The following CDH13 variants were observed in gnomAD, a reference collection of about 807,000 sequenced individuals.
CDH13 encodes cadherin-13.
In CDH13, 24 loss-of-function variants were observed where a neutral mutation model predicts 63.8. The ratio of observed to expected loss-of-function variants is 0.38; its 90% CI spans 0.27 to 0.53. CDH13 has a LOEUF of 0.53. Ranked by LOEUF, CDH13 falls within the 20% of genes least tolerant of loss-of-function variation. CDH13 has a pLI of 0.85. For missense variants in CDH13, 1,049 were observed against 903.1 expected (o/e 1.16, Z -2.07); for synonymous variants, 503 against 355.3 (o/e 1.42, Z -4.67).
intron 2 of CDH13, among the ~76,000 whole-genome samples, chr16:82,902,020 A>G (rs1046276682): frequency 6.6e-6 from 1 of 152,202 alleles, no homozygotes; most frequent in African/African-American, 2.4e-5. Context: ...TCACATAGCT[A>G]TTACGTGGCA....
intron 5 of CDH13, among the ~76,000 whole-genome samples, chr16:83,237,059 G>A (rs1386836271): frequency 6.6e-6 from 1 of 152,176 alleles, no homozygotes; most frequent in East Asian, 1.9e-4. Flanking sequence ...GTGGGGCAGA[G>A]GGGACAAGGC....
chr16:83,394,247 TTA>T (rs756621953), intron 6 of CDH13, among the ~76,000 whole-genome samples: 57 of 144,872 alleles, frequency 3.9e-4, no homozygotes, highest in Non-Finnish European at 8.1e-4. Context: ...CCTAAAAGTT[TTA>T]AAAAAAAAAA....
At chr16:83,013,040 A>G (rs1333852977) in intron 2 of CDH13, among the ~76,000 whole-genome samples, 1 of 152,220 alleles carries the variant, frequency 6.6e-6, no homozygotes, top group Non-Finnish European at 1.5e-5. Context: ...TTGCCTGAGC[A>G]CTTAGGTGGC....
intron 2 of CDH13, among the ~76,000 whole-genome samples, chr16:82,961,149 G>C (rs1001083934): frequency 1.3e-5 from 2 of 152,130 alleles, no homozygotes. Context: ...TCCGACTCAG[G>C]CTTCATCCCA....
At chr16:83,023,158 C>G (rs999757198) in intron 2 of CDH13, 1 of 152,198 alleles carries the variant, frequency 6.6e-6, no homozygotes, top group African/African-American at 2.4e-5. Context: ...GGTTTTGTCT[C>G]CCAGCTGAAG....
At chr16:83,518,149 T>TGTTTC (rs1401777625) in intron 7 of CDH13, among the ~76,000 whole-genome samples, 2 of 151,578 alleles carry the variant, frequency 1.3e-5, no homozygotes, top group Non-Finnish European at 2.9e-5. Flanking sequence ...GATGGTCTTT[T>TGTTTC]GTTTTGTTTT....
intron 3 of CDH13, among the ~76,000 whole-genome samples, chr16:83,061,449 A>C (rs1448318684): frequency 6.6e-6 from 1 of 152,132 alleles, no homozygotes. Context: ...CCAACCCCGG[A>C]ATACAATGGG....
At chr16:83,061,285 A>T (rs1418710182) in intron 3 of CDH13, among the ~76,000 whole-genome samples, 23 of 152,200 alleles carry the variant, frequency 1.5e-4, no homozygotes, top group Non-Finnish European at 8.8e-5. Flanking sequence ...AGGTGACTCT[A>T]ATGGTAGACA....
intron 7 of CDH13, among the ~76,000 whole-genome samples, chr16:83,525,192 C>T (rs1222460851): frequency 6.6e-6 from 1 of 152,088 alleles, no homozygotes; most frequent in East Asian, 1.9e-4. Flanking sequence ...CAACCACGGG[C>T]CAGTAGAATG....
intron 3 of CDH13, among the ~76,000 whole-genome samples, chr16:83,110,654 G>T (rs2035013653): frequency 6.6e-6 from 1 of 152,098 alleles, no homozygotes; most frequent in South Asian, 2.1e-4. Context: ...CCCTGGGCCT[G>T]GTTAGTAGTA....
intron 5 of CDH13, among the ~76,000 whole-genome samples, chr16:83,337,032 T>A (rs2090613281): frequency 6.6e-6 from 1 of 152,222 alleles, no homozygotes. Flanking sequence ...GGGCAAGCTG[T>A]TAATAGTTCG....
intron 5 of CDH13, among the ~76,000 whole-genome samples, chr16:83,255,214 A>G (rs1179281530): frequency 6.6e-6 from 1 of 152,198 alleles, no homozygotes; most frequent in Non-Finnish European, 1.5e-5. Context: ...GTATGGGCAC[A>G]TTATAACTTC....
chr16:82,782,344 G>A (rs1045707816), intron 1 of CDH13, among the ~76,000 whole-genome samples: 1 of 152,094 alleles, frequency 6.6e-6, no homozygotes, highest in Admixed American at 6.5e-5. Context: ...GGTGGATCAC[G>A]AGGTCAGGAG....
At chr16:82,797,642 G>C (rs1316061016) in intron 1 of CDH13, among the ~76,000 whole-genome samples, 1 of 151,866 alleles carries the variant, frequency 6.6e-6, no homozygotes, top group Non-Finnish European at 1.5e-5. Flanking sequence ...TCATTTACCT[G>C]TTTAGGAAAA....
intron 2 of CDH13, among the ~76,000 whole-genome samples, chr16:83,011,255 A>G (rs1914123829): frequency 6.6e-6 from 1 of 152,188 alleles, no homozygotes; most frequent in African/African-American, 2.4e-5. Context: ...AAGTGGAGAA[A>G]TAATAGTAAT....
intron 8 of CDH13, among the ~76,000 whole-genome samples, chr16:83,631,907 G>C (rs1372687538): frequency 6.6e-6 from 1 of 152,186 alleles, no homozygotes; most frequent in East Asian, 1.9e-4. Flanking sequence ...TGCCCCTGAA[G>C]ACATTCAAGA....
intron 4 of CDH13, among the ~76,000 whole-genome samples, chr16:83,176,381 G>C (rs567719522): frequency 2.6e-5 from 4 of 151,696 alleles, no homozygotes; most frequent in African/African-American, 9.7e-5. Context: ...GTGGTGGCAG[G>C]TGCCTGTAAT....
chr16:82,805,653 C>G (rs916531839), intron 1 of CDH13, among the ~76,000 whole-genome samples: 2 of 152,108 alleles, frequency 1.3e-5, no homozygotes, highest in Non-Finnish European at 2.9e-5. Context: ...TTGTAAAAAT[C>G]TACTTTGGAG....
intron 7 of CDH13, among the ~76,000 whole-genome samples, chr16:83,582,568 C>G (rs1007655785): frequency 6.6e-6 from 1 of 152,172 alleles, no homozygotes; most frequent in African/African-American, 2.4e-5. Flanking sequence ...ACCCACTGTT[C>G]TGAGGCTGCT....
Sources: allele counts gnomAD v4.1 joint callset (sites outside exome capture counted in the v4.1 genomes callset), GRCh38; gene constraint gnomAD v4.1.1; transcripts MANE v1.5; gene names NCBI Gene and HGNC (gene_info 2026-07-23, HGNC 2026-07-21).